Variants in CRIM1 observed in about 807,000 individuals in gnomAD.
CRIM1 encodes cysteine rich transmembrane BMP regulator 1, also known as cysteine-rich motor neuron 1 protein.
Under a neutral mutation model 116.4 loss-of-function variants are expected in CRIM1, and 32 were observed. The ratio of observed to expected loss-of-function variants is 0.27; its 90% CI spans 0.21 to 0.37. The LOEUF is 0.37. CRIM1 is among the 10% of genes least tolerant of loss of function. The pLI is 1.00. For missense variants in CRIM1, 1,331 were observed against 1,354.8 expected, an observed-to-expected ratio of 0.98 and a Z score of 0.28; for synonymous variants, 590 against 509.2, an observed-to-expected ratio of 1.16 and a Z score of -2.13.
chr2:36,412,182 C>A lies in CRIM1; in HGVS notation c.505+15395C>A, dbSNP rs554802482. On this transcript the variant is annotated intron_variant, in intron 2 of 16. Coordinates refer to ENST00000280527, the MANE Select transcript of CRIM1 (RefSeq NM_016441.3). ...CACTAGTAACTGTGATGACGCCCAA[C>A]AGAATTATTTGAAACATTCTCAGTA... Among the ~76,000 whole-genome samples, 9 of 150,754 alleles carry A rather than the reference C, an allele frequency of 6.0e-5. 1 individual carries two copies. The South Asian group carries it at 1.7e-3, about 28-fold the overall frequency.
At chr2:36,544,305 G>A in intron 14 of CRIM1, 71 bp from the exon 15 acceptor site, 1 of 1,273,656 alleles carries the variant, frequency 7.9e-7, no homozygotes, top group South Asian at 3.2e-5. Context: ...TGCACCATTT[G>A]GATTGAGAAT....
chr2:36,500,936 TA>T (rs1480482760), intron 8 of CRIM1, among the ~76,000 whole-genome samples: 3 of 152,350 alleles, frequency 2.0e-5, no homozygotes, highest in East Asian at 1.9e-4. Context: ...GCTGAAGTTA[TA>T]GGGGCCTGGC....
intron 5 of CRIM1, among the ~76,000 whole-genome samples, chr2:36,466,822 C>T (rs1426381023): frequency 6.6e-6 from 1 of 152,244 alleles, no homozygotes; most frequent in Non-Finnish European, 1.5e-5. Flanking sequence ...CTGCCCTACA[C>T]TTTAATCTTA....
At chr2:36,406,425 G>GA (rs1234959122) in intron 2 of CRIM1, among the ~76,000 whole-genome samples, 1 of 152,092 alleles carries the variant, frequency 6.6e-6, no homozygotes, top group African/African-American at 2.4e-5. Context: ...GAAGCTAAAG[G>GA]AAAAATCAGC....
intron 8 of CRIM1, among the ~76,000 whole-genome samples, chr2:36,502,129 G>T (rs534243992): frequency 6.6e-6 from 1 of 152,132 alleles, no homozygotes; most frequent in African/African-American, 2.4e-5. Context: ...CTACACTTGC[G>T]CCTGGGTTTT....
At chr2:36,464,781 A>T (rs1677871123) in intron 5 of CRIM1, 126 bp downstream of exon 5, 1 of 1,149,206 alleles carries the variant, frequency 8.7e-7, no homozygotes, top group Non-Finnish European at 1.3e-6. Context: ...GCTGAAGGGC[A>T]CTCAAAAAGG....
intron 5 of CRIM1, among the ~76,000 whole-genome samples, chr2:36,465,610 G>A (rs1174539228): frequency 6.6e-6 from 1 of 152,116 alleles, no homozygotes; most frequent in African/African-American, 2.4e-5. Flanking sequence ...GTGATTTTTA[G>A]GCCCGTGGCC....
rs903668964 is a variant in CRIM1, at chr2:36,550,743, C to T, written c.*2042C>T. ...ATGATACATTACAAAAATAGATTGA[C>T]ATCAGCCTGATTAGTATAAATTTTG... On this transcript the variant is annotated 3_prime_UTR_variant, in exon 17 of 17. Transcript: ENST00000280527. The T allele has an allele frequency of 6.6e-6, 1 of 152,436 alleles. No individual in the cohort carries two copies. Among genetic ancestry groups the T allele is most frequent in the Admixed American group, 6.6e-5 (1 of 15,264 alleles). The allele number at this position is 152,436 out of a possible 1,614,324, so 9.4% of individuals were successfully genotyped here. A position where few individuals can be genotyped will look rare whatever the true frequency, so the allele number is the denominator to read the frequency against.
chr2:36,362,340 T>C (rs1199662108), intron 1 of CRIM1, among the ~76,000 whole-genome samples: 1 of 152,208 alleles, frequency 6.6e-6, no homozygotes, highest in Admixed American at 6.5e-5. Context: ...GAACTAGGTT[T>C]AAAAGTGTGA....
chr2:36,358,075 C>T (rs1668973888), intron 1 of CRIM1, among the ~76,000 whole-genome samples: 1 of 152,098 alleles, frequency 6.6e-6, no homozygotes, highest in African/African-American at 2.4e-5. Flanking sequence ...GTGAAGGGAA[C>T]TCTTCTCAGA....
chr2:36,494,647 T>G (rs1264934553), intron 7 of CRIM1, among the ~76,000 whole-genome samples: 1 of 152,094 alleles, frequency 6.6e-6, no homozygotes, highest in Non-Finnish European at 1.5e-5. Context: ...AGAGGAAAGT[T>G]TCCCACTCAG....
intron 13 of CRIM1, among the ~76,000 whole-genome samples, chr2:36,533,787 T>A (rs1666282535): frequency 6.6e-6 from 1 of 152,200 alleles, no homozygotes; most frequent in South Asian, 2.1e-4. Context: ...GTGGTTTTGA[T>A]ACATCAGTTG....
chr2:36,528,027 TG>T (rs1486947617), intron 13 of CRIM1, among the ~76,000 whole-genome samples: 1 of 152,218 alleles, frequency 6.6e-6, no homozygotes, highest in East Asian at 1.9e-4. Flanking sequence ...AATATTGTCC[TG>T]TGCTTCACAA....
At chr2:36,456,564 C>T (rs1052454958) in intron 4 of CRIM1, among the ~76,000 whole-genome samples, 8 of 152,136 alleles carry the variant, frequency 5.3e-5, no homozygotes, top group African/African-American at 1.4e-4. Flanking sequence ...TCCTACCAGC[C>T]GTGAAAGCAG....
chr2:36,366,029 A>T (rs1669579653), intron 1 of CRIM1, among the ~76,000 whole-genome samples: 1 of 152,238 alleles, frequency 6.6e-6, no homozygotes, highest in African/African-American at 2.4e-5. Flanking sequence ...CCCAGCCCAG[A>T]ACTACATTTG....
intron 2 of CRIM1, among the ~76,000 whole-genome samples, chr2:36,426,626 G>T (rs1341127955): frequency 6.6e-6 from 1 of 152,024 alleles, no homozygotes; most frequent in Non-Finnish European, 1.5e-5. Context: ...GACAAAAGGT[G>T]GCTTCTTAAT....
chr2:36,507,781 T>C (rs1237824343), intron 8 of CRIM1, among the ~76,000 whole-genome samples: 2 of 152,234 alleles, frequency 1.3e-5, no homozygotes, highest in South Asian at 2.1e-4. Flanking sequence ...CAGTTTTCTT[T>C]AAAGGTGAAG....
intron 1 of CRIM1, among the ~76,000 whole-genome samples, chr2:36,369,878 T>C (rs1359939538): frequency 6.6e-6 from 1 of 152,146 alleles, no homozygotes; most frequent in Non-Finnish European, 1.5e-5. Context: ...CCATTGGATG[T>C]AGGGTGTGCA....
intron 4 of CRIM1, among the ~76,000 whole-genome samples, chr2:36,460,008 G>C (rs544472895): frequency 5.3e-5 from 8 of 152,070 alleles, no homozygotes; most frequent in South Asian, 4.1e-4. Flanking sequence ...ACCTCCTAAG[G>C]GGGTGAGTGC....
Sources: gnomAD v4.1 joint callset for allele counts (sites outside exome capture counted in the v4.1 genomes callset) on GRCh38, gnomAD v4.1.1 for gene constraint, MANE v1.5 for transcripts, NCBI Gene and HGNC (gene_info 2026-07-23, HGNC 2026-07-21) for gene names.